MCUB: variants seen among roughly 807,000 people sequenced by gnomAD.
MCUB encodes mitochondrial calcium uniporter dominant negative subunit beta, also known as calcium uniporter regulatory subunit MCUb, mitochondrial.
A neutral mutation model predicts 41.4 loss-of-function variants in MCUB; 46 were observed. The observed-to-expected ratio is 1.11, with a 90% CI of 0.88 to 1.42. MCUB has a LOEUF of 1.42. Ranked by LOEUF, MCUB falls within the 40% of genes most tolerant of loss-of-function variation. The pLI is 0.00. For synonymous variants in MCUB, 148 were observed against 148.2 expected, an observed-to-expected ratio of 1.00 and a Z score of 0.01; for missense variants, 403 against 404.9, an observed-to-expected ratio of 1.00 and a Z score of 0.04.
At chr4:109,676,630 T>C (rs944294216) in intron 4 of MCUB, among the ~76,000 whole-genome samples, 1 of 152,244 alleles carries the variant, frequency 6.6e-6, no homozygotes, top group Non-Finnish European at 1.5e-5. Context: ...GTATTTGTTA[T>C]AGCAGTAACT....
intron 1 of MCUB, among the ~76,000 whole-genome samples, chr4:109,608,643 C>T (rs930462858): frequency 1.3e-5 from 2 of 151,944 alleles, no homozygotes; most frequent in East Asian, 1.9e-4. Flanking sequence ...TGCACCACCA[C>T]ATCCAGCTAC....
At chr4:109,578,276 A>G (rs1019073203) in intron 1 of MCUB, among the ~76,000 whole-genome samples, 4 of 152,152 alleles carry the variant, frequency 2.6e-5, no homozygotes, top group African/African-American at 9.6e-5. Flanking sequence ...TGAAATCTGA[A>G]TGGCTGGTTG....
intron 1 of MCUB, among the ~76,000 whole-genome samples, chr4:109,627,002 A>C (rs1265330827): frequency 6.6e-6 from 1 of 152,158 alleles, no homozygotes; most frequent in African/African-American, 2.4e-5. Context: ...TTAAGGGGTA[A>C]ATAGAACAAA....
chr4:109,636,403 T>C (rs937722786), intron 1 of MCUB, among the ~76,000 whole-genome samples: 1 of 151,940 alleles, frequency 6.6e-6, no homozygotes, highest in African/African-American at 2.4e-5. Flanking sequence ...CTGCTTAGAG[T>C]GAGATAAGAG....
In MCUB at chr4:109,684,558, A is replaced by G; in HGVS notation, c.728A>G (p.Tyr243Cys). Reference protein sequence around the residue: ...GALAWLTWWVYSWDIMEPVTY... With the variant: ...GALAWLTWWVCSWDIMEPVTY... ...CTGGCCTGGCTCACGTGGTGGGTGT[A>G]CTCCTGGGATATCATGGAGCCAGTT... The change falls in exon 6 of 8, where the codon TAC becomes TGC. Residue 243 changes from tyrosine (Y) to cysteine (C), a missense_variant. Tyr to Cys is a radical substitution (Grantham distance 194). Coordinates refer to ENST00000394650, the MANE Select transcript of MCUB (RefSeq NM_017918.5). 2 of 1,608,620 alleles carry G rather than the reference A, an allele frequency of 1.2e-6. No individual in the cohort carries two copies. Among genetic ancestry groups the G allele is most frequent in the Non-Finnish European group, 1.7e-6 (2 of 1,175,268 alleles).
chr4:109,615,086 C>A (rs1342726258), intron 1 of MCUB, among the ~76,000 whole-genome samples: 2 of 152,198 alleles, frequency 1.3e-5, no homozygotes, highest in African/African-American at 4.8e-5. Context: ...AGATTCCAAA[C>A]TCTCTTTTCT....
intron 1 of MCUB, among the ~76,000 whole-genome samples, chr4:109,586,578 A>G (rs1435153758): frequency 1.3e-5 from 2 of 152,044 alleles, no homozygotes; most frequent in Non-Finnish European, 1.5e-5. Flanking sequence ...GTTTCTCCCC[A>G]TCTTTGTGGT....
intron 1 of MCUB, among the ~76,000 whole-genome samples, chr4:109,635,597 T>A (rs923499278): frequency 2.0e-5 from 3 of 152,212 alleles, no homozygotes; most frequent in Non-Finnish European, 2.9e-5. Flanking sequence ...ACCGCCTCCT[T>A]CAGTCTCTGT....
chr4:109,618,952 T>TTCCCTCTCTCTCTC (rs1329318742), intron 1 of MCUB, among the ~76,000 whole-genome samples: 1 of 127,644 alleles, frequency 7.8e-6, no homozygotes, highest in African/African-American at 3.0e-5. Flanking sequence ...AACATTAAAC[T>TTCCCTCTCTCTCTC]TCTCTCTCTC....
At chr4:109,659,280 G>GCACTCAGC (rs5860986) in intron 2 of MCUB, among the ~76,000 whole-genome samples, 194 bp downstream of exon 2, 1 of 152,012 alleles carries the variant, frequency 6.6e-6, no homozygotes, top group Admixed American at 6.6e-5. Flanking sequence ...TCCCACCTCA[G>GCACTCAGC]AATCAGAGGA....
intron 1 of MCUB, among the ~76,000 whole-genome samples, chr4:109,618,563 T>G (rs533337605): frequency 1.3e-5 from 2 of 152,234 alleles, no homozygotes; most frequent in African/African-American, 2.4e-5. Context: ...CTTTTTTGTT[T>G]ATTATGCTTC....
intron 2 of MCUB, 37 bp downstream of exon 2, chr4:109,659,123 AT>A: frequency 8.9e-7 from 1 of 1,127,336 alleles, no homozygotes; most frequent in Admixed American, 2.0e-5. Flanking sequence ...TCATATGTTA[AT>A]TGTTTCCCTT....
intron 1 of MCUB, among the ~76,000 whole-genome samples, chr4:109,574,411 A>G (rs1726982610): frequency 6.6e-6 from 1 of 152,172 alleles, no homozygotes; most frequent in African/African-American, 2.4e-5. Flanking sequence ...AAAATAACTC[A>G]GGCAGAAGCT....
At chr4:109,637,988 A>C (rs1416029141) in intron 1 of MCUB, among the ~76,000 whole-genome samples, 1 of 152,246 alleles carries the variant, frequency 6.6e-6, no homozygotes, top group Non-Finnish European at 1.5e-5. Context: ...CCACTACAGT[A>C]AAGCAAGTCT....
intron 1 of MCUB, among the ~76,000 whole-genome samples, chr4:109,607,217 C>A (rs2126132556): frequency 6.6e-6 from 1 of 151,608 alleles, no homozygotes; most frequent in Admixed American, 6.6e-5. Flanking sequence ...CCTTTTCTTT[C>A]TTTCTTTCTT....
At chr4:109,636,699 G>A (rs959044205) in intron 1 of MCUB, among the ~76,000 whole-genome samples, 1 of 152,188 alleles carries the variant, frequency 6.6e-6, no homozygotes, top group African/African-American at 2.4e-5. Flanking sequence ...GCCTGATATG[G>A]TGGTGCCCAC....
intron 1 of MCUB, among the ~76,000 whole-genome samples, chr4:109,607,660 A>G (rs906381737): frequency 6.6e-6 from 1 of 152,190 alleles, no homozygotes; most frequent in Non-Finnish European, 1.5e-5. Context: ...TGGATATGCT[A>G]TTCTAGGGTT....
intron 1 of MCUB, among the ~76,000 whole-genome samples, chr4:109,652,323 C>A (rs1728979413): frequency 6.6e-6 from 1 of 152,164 alleles, no homozygotes; most frequent in Non-Finnish European, 1.5e-5. Context: ...GAGTTTAGTT[C>A]TCTTCTTCCT....
At chr4:109,663,853 G>C (rs950256561) in intron 3 of MCUB, among the ~76,000 whole-genome samples, 1 of 152,208 alleles carries the variant, frequency 6.6e-6, no homozygotes, top group Non-Finnish European at 1.5e-5. Flanking sequence ...CAGGAACTAA[G>C]AGAAGACAGG....
Sources: allele counts gnomAD v4.1 joint callset (sites outside exome capture counted in the v4.1 genomes callset), GRCh38; gene constraint gnomAD v4.1.1; transcripts MANE v1.5; gene names NCBI Gene and HGNC (gene_info 2026-07-23, HGNC 2026-07-21).